RAP1B: variants seen among roughly 807,000 people sequenced by gnomAD.
RAP1B encodes the protein RAP1B, member of RAS oncogene family.
RAP1B carries 1 observed loss-of-function variant against 27.5 expected under a neutral mutation model. The observed-to-expected ratio is 0.04, with a 90% CI of 0.01 to 0.17. The LOEUF (loss-of-function observed/expected upper bound fraction) is 0.17. Among genes scored for constraint, RAP1B ranks in the 10% least tolerant of loss-of-function variants. The probability of loss-of-function intolerance (pLI) is 1.00; values close to 1 mark genes in which losing one functional copy is unlikely to be tolerated. For missense variants in RAP1B, 84 were observed against 214.8 expected (o/e 0.39, Z 3.81); for synonymous variants, 75 against 73.1 (o/e 1.03, Z -0.13).
rs144150929 is a variant in RAP1B at position 68,666,993 on chromosome 12, G to A, written c.*7744G>A. ...TTCCAGAAGCAACATACTGGGTATG[G>A]AATATTGTTAACCATTGTCATCCCA... On this transcript the variant is annotated 3_prime_UTR_variant, in exon 8 of 8. Coordinates refer to ENST00000250559, the MANE Select transcript of RAP1B (RefSeq NM_001010942.3). The A allele has an allele frequency of 6.6e-6, 1 of 152,128 alleles. No individual in the cohort carries two copies. The highest frequency in any genetic ancestry group is 2.4e-5 in the African/African-American group (1 of 41,422). 9.4% of individuals were successfully genotyped at this position (152,128 alleles called of 1,614,324 possible).
intron 1 of RAP1B, among the ~76,000 whole-genome samples, chr12:68,612,865 G>T (rs553118413): frequency 2.0e-5 from 3 of 152,260 alleles, no homozygotes; most frequent in South Asian, 4.1e-4. Flanking sequence ...TGTGTACTAC[G>T]TTAGGTGTTT....
At chr12:68,620,863 C>G (rs973525990) in intron 1 of RAP1B, among the ~76,000 whole-genome samples, 7 of 152,162 alleles carry the variant, frequency 4.6e-5, no homozygotes, top group Non-Finnish European at 1.0e-4. Context: ...GCTGGGATTA[C>G]AGGAGTGAGC....
chr12:68,643,602 T>C (rs1289129522), intron 1 of RAP1B, among the ~76,000 whole-genome samples: 7 of 152,212 alleles, frequency 4.6e-5, no homozygotes, highest in African/African-American at 1.7e-4. Context: ...CTTACCTGTT[T>C]GTTTCTTTAA....
At chr12:68,640,550 ATTTTCT>A (rs1872927036) in intron 1 of RAP1B, among the ~76,000 whole-genome samples, 1 of 152,036 alleles carries the variant, frequency 6.6e-6, no homozygotes, top group South Asian at 2.1e-4. Context: ...CATTTCTTAG[ATTTTCT>A]TTTCTGACCA....
At position 68,671,342 on chromosome 12, in the gene RAP1B, T is replaced by C. The variant is rs1230838553; in HGVS notation, c.*12093T>C. The C allele has an allele frequency of 1.3e-5, 2 of 152,148 alleles. No homozygotes were observed. The highest frequency in any genetic ancestry group is 2.9e-5 in the Non-Finnish European group (2 of 68,038). 9.4% of individuals were successfully genotyped at this position (152,148 alleles called of 1,614,324 possible). A position where few individuals can be genotyped will look rare whatever the true frequency, so the allele number is the denominator to read the frequency against. On this transcript the variant is annotated 3_prime_UTR_variant, in exon 8 of 8. Coordinates refer to ENST00000250559, the MANE Select transcript of RAP1B (RefSeq NM_001010942.3). ...TTTGACCTCAATTCTACTACTGATA[T>C]CTACACCAAGGAAATGAAAGGAAAT...
rs1458605364 is a variant in RAP1B, at chr12:68,665,401, A to C, written c.*6152A>C. 6.6e-6 allele frequency: 1 copy of C among 152,248 alleles called. No individual in the cohort carries two copies. Among genetic ancestry groups the C allele is most frequent in the African/African-American group, 2.4e-5 (1 of 41,456 alleles). 9.4% of individuals were successfully genotyped at this position (152,248 alleles called of 1,614,324 possible). On this transcript the variant is annotated 3_prime_UTR_variant, in exon 8 of 8. Transcript: ENST00000250559. ...CCTTGGAGTTACTGACATTGGAGGC[A>C]ACTGAAACCATGAGTGTGAATGAAA... is the stretch of plus-strand genomic sequence containing the variant.
intron 2 of RAP1B, chr12:68,649,455 C>T (rs887074879): frequency 7.9e-5 from 12 of 152,096 alleles, no homozygotes; most frequent in African/African-American, 1.2e-4. Context: ...CATTTTTTAA[C>T]GGCACGTTTT....
At chr12:68,644,104 G>A (rs936686097) in intron 1 of RAP1B, among the ~76,000 whole-genome samples, 2 of 151,898 alleles carry the variant, frequency 1.3e-5, no homozygotes, top group Non-Finnish European at 1.5e-5. Context: ...TAATATTAGC[G>A]GTCAGAGACA....
chr12:68,647,692 A>C (rs531404166), intron 1 of RAP1B, among the ~76,000 whole-genome samples: 1 of 151,602 alleles, frequency 6.6e-6, no homozygotes, highest in Non-Finnish European at 1.5e-5. Flanking sequence ...AATGTTAGCT[A>C]TAGAAGCACT....
At chr12:68,639,825 C>T (rs573060671) in intron 1 of RAP1B, among the ~76,000 whole-genome samples, 1 of 152,104 alleles carries the variant, frequency 6.6e-6, no homozygotes, top group South Asian at 2.1e-4. Context: ...AACTAATTAG[C>T]ATGTCACCCC....
At chr12:68,651,703 T>C (rs1873826640) in intron 3 of RAP1B, 2 of 328,272 alleles carry the variant, frequency 6.1e-6, no homozygotes, top group Admixed American at 8.5e-5. Context: ...TTCGAAACTA[T>C]TTTTTTCTCT....
chr12:68,651,890 T>A (rs1209374302), intron 3 of RAP1B, 105 bp from the exon 4 acceptor site: 4 of 826,588 alleles, frequency 4.8e-6, no homozygotes, highest in Non-Finnish European at 7.8e-6. Context: ...TGTAAAGTTG[T>A]TAAAATCTGT....
At chr12:68,616,403 G>A (rs1215284135) in intron 1 of RAP1B, among the ~76,000 whole-genome samples, 1 of 149,352 alleles carries the variant, frequency 6.7e-6, no homozygotes, top group Non-Finnish European at 1.5e-5. Context: ...TCCAGTCTAA[G>A]CCTCCCGAGT....
chr12:68,621,841 C>T (rs773957025), intron 1 of RAP1B, among the ~76,000 whole-genome samples: 3 of 152,196 alleles, frequency 2.0e-5, no homozygotes, highest in Non-Finnish European at 2.9e-5. Context: ...CATCACTAAG[C>T]AGTTTGACTG....
At chr12:68,651,250 A>G (rs1873794750) in intron 3 of RAP1B, among the ~76,000 whole-genome samples, 1 of 152,204 alleles carries the variant, frequency 6.6e-6, no homozygotes, top group South Asian at 2.1e-4. Flanking sequence ...GCATGTGACA[A>G]TAAAACAATG....
At chr12:68,655,723 A>G (rs1396360321) in intron 5 of RAP1B, among the ~76,000 whole-genome samples, 1 of 151,948 alleles carries the variant, frequency 6.6e-6, no homozygotes, top group African/African-American at 2.4e-5. Flanking sequence ...TTTAGTAGAA[A>G]CAGGGTTTCG....
chr12:68,665,798 A>T lies in RAP1B; in HGVS notation c.*6549A>T, dbSNP rs1400091751. 6.6e-6 allele frequency: 1 copy of T among 152,118 alleles called. No individual in the cohort carries two copies. Among genetic ancestry groups the T allele is most frequent in the Non-Finnish European group, 1.5e-5 (1 of 68,020 alleles). 9.4% of individuals were successfully genotyped at this position (152,118 alleles called of 1,614,324 possible). A position where few individuals can be genotyped will look rare whatever the true frequency, so the allele number is the denominator to read the frequency against. The stretch of plus-strand genomic sequence containing the variant: ...TCTATGTATATCTGCAGCAACTATA[A>T]AGTCTGTTTCAGAGTCAGTATTGGC... On this transcript the variant is annotated 3_prime_UTR_variant, in exon 8 of 8. Transcript: ENST00000250559.
intron 7 of RAP1B, chr12:68,657,479 C>T: frequency 4.8e-6 from 1 of 209,848 alleles, no homozygotes; most frequent in East Asian, 1.2e-4. Flanking sequence ...ATATCAGCTC[C>T]CTGCAACCTC....
chr12:68,655,087 G>A lies in RAP1B; in HGVS notation c.324+835G>A, dbSNP rs572879242. ...GCACTTTGGGAGGCCAAGGCGGGTA[G>A]ATCCCCTGAGCTCAGGAGTTCAAGA... On this transcript the variant is annotated intron_variant, in intron 5 of 7. Transcript: ENST00000250559. Among the ~76,000 whole-genome samples, 521 of 152,162 alleles carry A rather than the reference G, an allele frequency of 3.4e-3. 10 individuals carry two copies. The highest frequency in any genetic ancestry group is 2.5e-3 in the Admixed American group (39 of 15,298).
Sources: allele counts gnomAD v4.1 joint callset (sites outside exome capture counted in the v4.1 genomes callset), GRCh38; gene constraint gnomAD v4.1.1; transcripts MANE v1.5; gene names NCBI Gene and HGNC (gene_info 2026-07-23, HGNC 2026-07-21).